CSMD1: variants seen among roughly 807,000 people sequenced by gnomAD.
CSMD1 encodes the protein CUB and Sushi multiple domains 1, also known as CUB and sushi domain-containing protein 1.
Under a neutral mutation model 417.5 loss-of-function variants are expected in CSMD1, and 213 were observed. That is an observed-to-expected ratio of 0.51 (90% CI 0.46 to 0.57). The LOEUF (loss-of-function observed/expected upper bound fraction) is 0.57. Ranked by LOEUF, CSMD1 falls within the 20% of genes least tolerant of loss-of-function variation. The pLI, the probability that CSMD1 is intolerant of heterozygous loss-of-function variation, is 0.00. For missense variants in CSMD1, 6,923 were observed against 4,529.7 expected, an observed-to-expected ratio of 1.53 and a Z score of -15.17; for synonymous variants, 2,862 against 1,736.8, an observed-to-expected ratio of 1.65 and a Z score of -16.11.
At chr8:3,443,531 A>G (rs1046524875) in intron 12 of CSMD1, among the ~76,000 whole-genome samples, 7 of 152,214 alleles carry the variant, frequency 4.6e-5, no homozygotes, top group Non-Finnish European at 8.8e-5. Context: ...ATGAACCAGA[A>G]CAATTCTACA....
At chr8:3,249,012 G>A (rs1480891700) in intron 26 of CSMD1, among the ~76,000 whole-genome samples, 2 of 152,104 alleles carry the variant, frequency 1.3e-5, no homozygotes, top group African/African-American at 4.8e-5. Flanking sequence ...CTCAGATGCT[G>A]TAATTGTCCT....
At chr8:3,048,542 A>C (rs925970121) in intron 50 of CSMD1, among the ~76,000 whole-genome samples, 1 of 152,208 alleles carries the variant, frequency 6.6e-6, no homozygotes, top group Non-Finnish European at 1.5e-5. Flanking sequence ...ATTCTAAAAA[A>C]TAATCCAGAC....
chr8:3,794,755 A>G (rs990574963), intron 5 of CSMD1, among the ~76,000 whole-genome samples: 3 of 152,104 alleles, frequency 2.0e-5, no homozygotes, highest in Admixed American at 6.5e-5. Context: ...CCAGGTCAAG[A>G]CTGTACTCTG....
In CSMD1 at chr8:4,393,890, A is replaced by C. The variant is rs116138317; in HGVS notation, c.415+26063T>G. On this transcript the variant is annotated intron_variant, in intron 3 of 69. Transcript: ENST00000635120. ...ACACGGAACAACCATGAGACATATG[A>C]AATATACCTTTCCATCTTAAATCCG... Among the ~76,000 whole-genome samples the C allele has an allele frequency of 2.6e-3, 395 of 152,340 alleles. 1 individual carries two copies. The highest frequency in any genetic ancestry group is 9.1e-3 in the African/African-American group (379 of 41,576).
chr8:4,538,811 G>A (rs2130503055), intron 2 of CSMD1, among the ~76,000 whole-genome samples: 1 of 152,302 alleles, frequency 6.6e-6, no homozygotes, highest in Non-Finnish European at 1.5e-5. Context: ...GCTCAAAGAA[G>A]TAACTTGTTT....
intron 7 of CSMD1, among the ~76,000 whole-genome samples, chr8:3,698,305 A>G (rs889076327): frequency 1.3e-5 from 2 of 152,192 alleles, no homozygotes; most frequent in Non-Finnish European, 2.9e-5. Context: ...TTTGTTTTAT[A>G]TGGAGATGGG....
intron 26 of CSMD1, among the ~76,000 whole-genome samples, chr8:3,276,512 T>G (rs1038754689): frequency 1.3e-5 from 2 of 152,162 alleles, no homozygotes; most frequent in Non-Finnish European, 2.9e-5. Flanking sequence ...TCATGAGTCT[T>G]ATTCACTATC....
At chr8:4,132,234 C>T (rs1475363726) in intron 3 of CSMD1, among the ~76,000 whole-genome samples, 19 of 136,926 alleles carry the variant, frequency 1.4e-4, no homozygotes, top group South Asian at 2.3e-4. Flanking sequence ...AGTAATACCC[C>T]TTTCTAACAT....
At chr8:4,098,966 C>G (rs866329612) in intron 3 of CSMD1, among the ~76,000 whole-genome samples, 4 of 152,138 alleles carry the variant, frequency 2.6e-5, no homozygotes, top group African/African-American at 9.7e-5. Flanking sequence ...TTACAATTTT[C>G]AAAGAGGTAA....
intron 1 of CSMD1, among the ~76,000 whole-genome samples, chr8:4,992,805 C>T (rs1278416592): frequency 6.6e-6 from 1 of 152,212 alleles, no homozygotes; most frequent in Non-Finnish European, 1.5e-5. Flanking sequence ...AGAGGGTCGG[C>T]GTCTGCAAGA....
At chr8:3,903,683 T>C (rs969269366) in intron 5 of CSMD1, among the ~76,000 whole-genome samples, 1 of 152,168 alleles carries the variant, frequency 6.6e-6, no homozygotes, top group African/African-American at 2.4e-5. Context: ...TGTCTAATGA[T>C]GTGATTACAC....
chr8:3,181,021 A>G, intron 37 of CSMD1, 89 bp downstream of exon 37: 1 of 775,598 alleles, frequency 1.3e-6, no homozygotes, highest in Non-Finnish European at 2.1e-6. Flanking sequence ...ATAATATTTC[A>G]CTGTTTAATA....
intron 5 of CSMD1, among the ~76,000 whole-genome samples, chr8:3,923,323 T>C (rs1341977973): frequency 6.6e-6 from 1 of 152,208 alleles, no homozygotes; most frequent in Non-Finnish European, 1.5e-5. Flanking sequence ...TGTATGTATA[T>C]ATACACATAC....
intron 49 of CSMD1, among the ~76,000 whole-genome samples, chr8:3,058,980 GTGATGT>G (rs1812411483): frequency 6.6e-6 from 1 of 152,020 alleles, no homozygotes; most frequent in African/African-American, 2.4e-5. Context: ...AAAGGAAGGT[GTGATGT>G]TGGATGTTGA....
At chr8:4,281,250 T>G (rs1796766070) in intron 3 of CSMD1, among the ~76,000 whole-genome samples, 1 of 152,144 alleles carries the variant, frequency 6.6e-6, no homozygotes. Flanking sequence ...CTCAGGGAAT[T>G]AAAATAACCT....
intron 5 of CSMD1, among the ~76,000 whole-genome samples, chr8:3,783,145 T>C (rs527485581): frequency 1.2e-4 from 19 of 152,196 alleles, no homozygotes; most frequent in African/African-American, 4.6e-4. Context: ...GAGATTATTT[T>C]TGACAACTTA....
chr8:4,384,876 C>T (rs76735160), intron 3 of CSMD1, among the ~76,000 whole-genome samples: 12,787 of 152,196 alleles, frequency 0.084, 700 homozygotes, highest in South Asian at 0.19. Flanking sequence ...TACAACTGCT[C>T]TAATTTCTGG....
chr8:3,849,771 A>G lies in CSMD1; in HGVS notation c.819-95729T>C, dbSNP rs151207304. Among the ~76,000 whole-genome samples, 689 of 152,122 alleles carry G rather than the reference A, an allele frequency of 4.5e-3. 6 individuals carry two copies. The highest frequency in any genetic ancestry group is 0.015 in the African/African-American group (614 of 41,498). ...TTGTACAAATATCTTTTGAGAAATG[A>G]TATGTTTTTAAAGATGATATTGTGA... On this transcript the variant is annotated intron_variant, in intron 5 of 69. Coordinates refer to ENST00000635120, the MANE Select transcript of CSMD1 (RefSeq NM_033225.6).
intron 1 of CSMD1, among the ~76,000 whole-genome samples, chr8:4,730,823 G>T (rs927323700): frequency 6.6e-6 from 1 of 151,968 alleles, no homozygotes; most frequent in Non-Finnish European, 1.5e-5. Context: ...CTTGGTTTTT[G>T]TGCATAATGC....
Sources: gnomAD v4.1 joint callset for allele counts (sites outside exome capture counted in the v4.1 genomes callset) on GRCh38, gnomAD v4.1.1 for gene constraint, MANE v1.5 for transcripts, NCBI Gene and HGNC (gene_info 2026-07-23, HGNC 2026-07-21) for gene names.